The following SLC71A1 variants were observed in gnomAD, a reference collection of about 807,000 sequenced individuals.
SLC71A1 encodes hippocampus abundant gene transcript 1.
chr1:100,040,052 T>A, the SLC71A1 span, among the ~76,000 whole-genome samples: 1,440 of 152,326 alleles, frequency 9.5e-3, 22 homozygotes, highest in African/African-American at 0.032. Flanking sequence ...TGAAGACTTT[T>A]CTTGAGGGCT....
chr1:100,054,896 T>C, the SLC71A1 span, among the ~76,000 whole-genome samples: 1 of 152,152 alleles, frequency 6.6e-6, no homozygotes, highest in African/African-American at 2.4e-5. Context: ...GAGAAATTGC[T>C]TTGGAGAAAA....
At chr1:100,068,549 C>T in the SLC71A1 span, 1 of 1,613,542 alleles carries the variant, frequency 6.2e-7, no homozygotes, top group Non-Finnish European at 8.5e-7. Context: ...CTACCGGAGG[C>T]AGGCCAATAT....
At chr1:100,059,249 C>G in the SLC71A1 span, among the ~76,000 whole-genome samples, 1 of 146,506 alleles carries the variant, frequency 6.8e-6, no homozygotes, top group Non-Finnish European at 1.5e-5. Flanking sequence ...ACCTCTGCCT[C>G]CCAGGTTCAA....
the SLC71A1 span, among the ~76,000 whole-genome samples, chr1:100,057,522 T>G: frequency 1.3e-5 from 2 of 151,952 alleles, no homozygotes. Flanking sequence ...GCCTGGCTAA[T>G]TTTTGTATTT....
chr1:100,062,312 T>C, the SLC71A1 span, among the ~76,000 whole-genome samples: 1 of 152,222 alleles, frequency 6.6e-6, no homozygotes, highest in African/African-American at 2.4e-5. Flanking sequence ...GGCTAACATC[T>C]AGCTCAGGGA....
At chr1:100,047,182 T>C in the SLC71A1 span, among the ~76,000 whole-genome samples, 1 of 152,256 alleles carries the variant, frequency 6.6e-6, no homozygotes, top group Non-Finnish European at 1.5e-5. Flanking sequence ...TTCAGCATGA[T>C]AGCTCTGTGT....
the SLC71A1 span, among the ~76,000 whole-genome samples, chr1:100,074,372 C>T: frequency 4.6e-5 from 7 of 151,958 alleles, no homozygotes; most frequent in Admixed American, 4.6e-4. Context: ...GTCAGGAGTT[C>T]GAGACCAGCC....
the SLC71A1 span, among the ~76,000 whole-genome samples, chr1:100,044,022 A>G: frequency 6.6e-6 from 1 of 152,220 alleles, no homozygotes; most frequent in African/African-American, 2.4e-5. Flanking sequence ...ATGCATGTAC[A>G]TGTGTCTTTT....
chr1:100,041,039 C>A, the SLC71A1 span, among the ~76,000 whole-genome samples: 1 of 152,120 alleles, frequency 6.6e-6, no homozygotes, highest in Non-Finnish European at 1.5e-5. Context: ...TAATAAAATT[C>A]TTTCCCGTTG....
the SLC71A1 span, among the ~76,000 whole-genome samples, chr1:100,059,141 C>CGT: frequency 2.2e-5 from 2 of 92,926 alleles, no homozygotes; most frequent in African/African-American, 1.1e-4. Context: ...CTTTCTTTTT[C>CGT]GTGTTTTTTT....
chr1:100,075,197 C>T, the SLC71A1 span, among the ~76,000 whole-genome samples: 8 of 152,240 alleles, frequency 5.3e-5, no homozygotes, highest in African/African-American at 1.9e-4. Flanking sequence ...ATGGCTGGCC[C>T]ATGCCATCCT....
chr1:100,047,382 A>G, the SLC71A1 span, among the ~76,000 whole-genome samples: 1 of 152,210 alleles, frequency 6.6e-6, no homozygotes, highest in Non-Finnish European at 1.5e-5. Flanking sequence ...CTATCCTTTC[A>G]TACCTGGATG....
At chr1:100,039,264 C>T in the SLC71A1 span, among the ~76,000 whole-genome samples, 2 of 152,234 alleles carry the variant, frequency 1.3e-5, no homozygotes, top group African/African-American at 4.8e-5. Context: ...GTTTCACTTA[C>T]CTGAAGTGTG....
chr1:100,057,111 C>T, the SLC71A1 span, among the ~76,000 whole-genome samples: 1 of 152,130 alleles, frequency 6.6e-6, no homozygotes, highest in East Asian at 1.9e-4. Context: ...TTCTCCTATT[C>T]TGTGGGTTGT....
the SLC71A1 span, among the ~76,000 whole-genome samples, chr1:100,042,612 T>C: frequency 1.3e-4 from 19 of 151,922 alleles, no homozygotes; most frequent in Admixed American, 1.2e-3. Context: ...TTCTTTCTTT[T>C]TTTTTTTCTT....
chr1:100,053,221 T>C, the SLC71A1 span, among the ~76,000 whole-genome samples: 1 of 152,222 alleles, frequency 6.6e-6, no homozygotes, highest in Non-Finnish European at 1.5e-5. Flanking sequence ...AATTTTGTTT[T>C]TTTGTTGTTG....
At chr1:100,043,688 C>G in the SLC71A1 span, among the ~76,000 whole-genome samples, 1 of 151,964 alleles carries the variant, frequency 6.6e-6, no homozygotes, top group African/African-American at 2.4e-5. Context: ...TATACTGTAC[C>G]CAATATATAG....
At chr1:100,038,430 C>G in the SLC71A1 span, 3 of 851,050 alleles carry the variant, frequency 3.5e-6, no homozygotes, top group Non-Finnish European at 5.7e-6. Flanking sequence ...TTCCCCCACC[C>G]TGTCCGAGCT....
the SLC71A1 span, among the ~76,000 whole-genome samples, chr1:100,067,438 A>T: frequency 6.6e-6 from 1 of 152,012 alleles, no homozygotes; most frequent in African/African-American, 2.4e-5. Flanking sequence ...TTTGATACAG[A>T]CAGGGTTTCT....
Sources: allele counts gnomAD v4.1 joint callset (sites outside exome capture counted in the v4.1 genomes callset), GRCh38; gene constraint gnomAD v4.1.1; transcripts MANE v1.5; gene names NCBI Gene and HGNC (gene_info 2026-07-23, HGNC 2026-07-21).